Variants in MEI4 observed in about 807,000 individuals in gnomAD.
MEI4 encodes the protein meiosis-specific protein MEI4.
Under a neutral mutation model 31.4 loss-of-function variants are expected in MEI4, and 27 were observed. The ratio of observed to expected loss-of-function variants is 0.86; its 90% CI spans 0.63 to 1.19. The LOEUF (loss-of-function observed/expected upper bound fraction) is 1.19. MEI4 is among the 50% of genes most tolerant of loss of function. The probability of loss-of-function intolerance (pLI) is 0.00; values close to 1 mark genes in which losing one functional copy is unlikely to be tolerated. For synonymous variants in MEI4, 122 were observed against 145.4 expected (o/e 0.84, Z 1.16); for missense variants, 329 against 398.9 (o/e 0.82, Z 1.49).
intron 2 of MEI4, among the ~76,000 whole-genome samples, chr6:77,736,641 G>A (rs145522543): frequency 7.9e-5 from 12 of 152,066 alleles, no homozygotes; most frequent in East Asian, 7.7e-4. Flanking sequence ...GTTCCTATTC[G>A]GCCATTTTGG....
At chr6:77,666,175 C>A (rs923471323) in intron 1 of MEI4, among the ~76,000 whole-genome samples, 1 of 151,400 alleles carries the variant, frequency 6.6e-6, no homozygotes, top group Non-Finnish European at 1.5e-5. Flanking sequence ...CAATGTTTTG[C>A]GGGCAGGGGG....
chr6:77,702,812 C>T (rs1367168836), intron 2 of MEI4, among the ~76,000 whole-genome samples: 1 of 152,178 alleles, frequency 6.6e-6, no homozygotes, highest in Non-Finnish European at 1.5e-5. Flanking sequence ...TATCAAATTT[C>T]TTCCACTTAT....
chr6:77,804,963 T>C (rs964882515), intron 3 of MEI4, among the ~76,000 whole-genome samples: 1 of 152,242 alleles, frequency 6.6e-6, no homozygotes, highest in African/African-American at 2.4e-5. Flanking sequence ...GCAGGTTTTA[T>C]CTGTACTTTT....
At chr6:77,747,525 G>C (rs959461085) in intron 2 of MEI4, among the ~76,000 whole-genome samples, 3 of 152,086 alleles carry the variant, frequency 2.0e-5, no homozygotes, top group Admixed American at 6.6e-5. Flanking sequence ...CAGATCTCAT[G>C]AGAACCCACT....
chr6:77,872,673 G>A (rs1195981603), intron 4 of MEI4, among the ~76,000 whole-genome samples: 26 of 149,576 alleles, frequency 1.7e-4, no homozygotes, highest in Non-Finnish European at 2.8e-4. Flanking sequence ...CTGGTGTGCT[G>A]CACCCATTAA....
rs1481645946 is a variant in MEI4 at position 77,667,821 on chromosome 6, G to C, written c.-15+14729G>C. On this transcript the variant is annotated intron_variant, in intron 1 of 4. Transcript: ENST00000684080. ...GTGACAAAGATTCAGAATCATGAGA[G>C]CAAGTGGTTTGTTAGGGAGGCAGCA... Among the ~76,000 whole-genome samples the C allele has an allele frequency of 3.3e-5, 5 of 152,194 alleles. No homozygotes were observed. The East Asian group carries it at 7.7e-4, about 24-fold the overall frequency.
intron 4 of MEI4, among the ~76,000 whole-genome samples, chr6:77,879,269 T>G (rs564962162): frequency 5.3e-5 from 8 of 152,296 alleles, no homozygotes; most frequent in African/African-American, 1.9e-4. Flanking sequence ...GTTTGAGTAT[T>G]AACCGCCTGT....
intron 4 of MEI4, among the ~76,000 whole-genome samples, chr6:77,896,547 C>T (rs990147636): frequency 6.6e-6 from 1 of 151,962 alleles, no homozygotes; most frequent in Admixed American, 6.6e-5. Context: ...TACTGTGTTA[C>T]ATTAGGGTGT....
chr6:77,730,972 G>T (rs1339653652), intron 2 of MEI4, among the ~76,000 whole-genome samples: 1 of 151,622 alleles, frequency 6.6e-6, no homozygotes, highest in African/African-American at 2.4e-5. Context: ...ATTTTTTATG[G>T]CTGCATAGTA....
At chr6:77,783,709 G>C (rs564695926) in intron 3 of MEI4, among the ~76,000 whole-genome samples, 1 of 152,086 alleles carries the variant, frequency 6.6e-6, no homozygotes, top group East Asian at 1.9e-4. Context: ...TTATGAGAAA[G>C]AACATCAAGT....
chr6:77,671,671 G>A (rs1180895830), intron 1 of MEI4, among the ~76,000 whole-genome samples: 3 of 150,238 alleles, frequency 2.0e-5, no homozygotes, highest in African/African-American at 5.0e-5. Context: ...CTGATTGACA[G>A]TGTATCTATA....
intron 3 of MEI4, among the ~76,000 whole-genome samples, chr6:77,825,369 T>C (rs1769920084): frequency 6.6e-6 from 1 of 152,228 alleles, no homozygotes; most frequent in Non-Finnish European, 1.5e-5. Context: ...TACTGACAGA[T>C]GGCTGTTATT....
chr6:77,749,462 C>T (rs955767074), intron 2 of MEI4, among the ~76,000 whole-genome samples: 14 of 152,052 alleles, frequency 9.2e-5, no homozygotes, highest in Non-Finnish European at 1.6e-4. Flanking sequence ...ATGAGAACTT[C>T]GTGAAGCCTA....
chr6:77,897,584 C>G (rs141218144), intron 4 of MEI4, among the ~76,000 whole-genome samples: 1 of 151,554 alleles, frequency 6.6e-6, no homozygotes, highest in African/African-American at 2.4e-5. Context: ...GTTTCCAATA[C>G]GAAAAAAGGG....
chr6:77,788,409 C>G (rs1768809246), intron 3 of MEI4, among the ~76,000 whole-genome samples: 1 of 152,108 alleles, frequency 6.6e-6, no homozygotes, highest in Non-Finnish European at 1.5e-5. Context: ...CCAGGACAAT[C>G]AGGCAGGAGA....
chr6:77,716,610 C>T (rs1486858136), intron 2 of MEI4, among the ~76,000 whole-genome samples: 4 of 151,870 alleles, frequency 2.6e-5, no homozygotes, highest in African/African-American at 7.3e-5. Flanking sequence ...GTAACTTGGG[C>T]AAGGGTAGTA....
chr6:77,878,831 G>C (rs1481360061), intron 4 of MEI4, among the ~76,000 whole-genome samples: 1 of 152,014 alleles, frequency 6.6e-6, no homozygotes, highest in East Asian at 1.9e-4. Context: ...CAGAGGTCTG[G>C]GTCTAGGACT....
intron 3 of MEI4, among the ~76,000 whole-genome samples, chr6:77,815,792 G>A (rs1769675235): frequency 6.6e-6 from 1 of 151,742 alleles, no homozygotes. Context: ...ATATTATGTA[G>A]TAATAGCAGA....
intron 2 of MEI4, among the ~76,000 whole-genome samples, chr6:77,748,876 G>C (rs1229840036): frequency 1.3e-5 from 2 of 152,044 alleles, no homozygotes; most frequent in African/African-American, 4.8e-5. Flanking sequence ...GGAGAGCTCT[G>C]GCTAGCATCT....
Sources: allele counts gnomAD v4.1 joint callset (sites outside exome capture counted in the v4.1 genomes callset), GRCh38; gene constraint gnomAD v4.1.1; transcripts MANE v1.5; gene names NCBI Gene and HGNC (gene_info 2026-07-23, HGNC 2026-07-21).